The following ACTN3 variants were observed in gnomAD, a reference collection of about 807,000 sequenced individuals.
The protein encoded by ACTN3 is actinin alpha 3, also known as alpha-actinin-3.
ACTN3 carries 91 observed loss-of-function variants against 119.6 expected under a neutral mutation model. The observed-to-expected ratio is 0.76, with a 90% CI of 0.64 to 0.91. The LOEUF (loss-of-function observed/expected upper bound fraction) is 0.91, where lower values mean the gene tolerates loss of function less well. Among genes scored for constraint, ACTN3 ranks in the 40% least tolerant of loss-of-function variants. ACTN3 has a pLI of 0.00. For synonymous variants in ACTN3, 456 were observed against 478.8 expected, an observed-to-expected ratio of 0.95 and a Z score of 0.62; for missense variants, 1,221 against 1,215.1, an observed-to-expected ratio of 1.00 and a Z score of -0.07.
At position 66,560,644 on chromosome 11, in the gene ACTN3, G is replaced by C. The variant is rs1173916674; in HGVS notation, c.1749G>C (p.Met583Ile). Reference protein sequence around the residue: ...PEADRERGAIMGIQGEIQKIC... With the variant: ...PEADRERGAIIGIQGEIQKIC... ...CTGACCGAGAGCGAGGTGCCATCAT[G>C]GGCATCCAGGGTGAGATCCAGAAGA... is the stretch of plus-strand genomic sequence containing the variant. The change falls in exon 15 of 21, where the codon ATG becomes ATC. Residue 583 changes from methionine (M) to isoleucine (I), a missense_variant. Physicochemically the swap from Met to Ile is conservative, Grantham distance 10. This residue lies in a region of ACTN3 where 934 missense variants were observed against 899.9 expected (regional missense o/e 1.04). Coordinates refer to ENST00000513398, the MANE Select transcript of ACTN3 (RefSeq NM_001104.4). 14 of 1,613,826 alleles carry C rather than the reference G, an allele frequency of 8.7e-6. No homozygotes were observed. The highest frequency in any genetic ancestry group is 1.1e-5 in the Non-Finnish European group (13 of 1,179,852).
intron 14 of ACTN3, 117 bp from the exon 15 acceptor site, chr11:66,560,456 G>T: frequency 6.8e-7 from 1 of 1,470,724 alleles, no homozygotes; most frequent in Non-Finnish European, 9.1e-7. Flanking sequence ...AGGAGGCCGG[G>T]GTTCTTGTGT....
intron 8 of ACTN3, 88 bp downstream of exon 8, chr11:66,556,318 G>A (rs768458499): frequency 1.7e-5 from 22 of 1,305,650 alleles, no homozygotes; most frequent in African/African-American, 5.9e-5. Flanking sequence ...GCCAGACCAC[G>A]GAGGTTGGAG....
intron 8 of ACTN3, among the ~76,000 whole-genome samples, chr11:66,556,907 C>T (rs919822411): frequency 6.6e-6 from 1 of 152,142 alleles, no homozygotes. Context: ...ACTACAGGCG[C>T]CCACCACCAC....
Position 66,557,234 on chromosome 11 carries a change from G to C in ACTN3, c.897+9G>C, listed in dbSNP as rs369997208. Reference sequence around the variant, plus strand: ...AGAAGCTTGCCAGTGAGGTGAGGCTGGGCTCCCACCGTGCTCTCCCCACCC... The same window carrying C: ...AGAAGCTTGCCAGTGAGGTGAGGCTCGGCTCCCACCGTGCTCTCCCCACCC... On this transcript the variant is annotated intron_variant, in intron 9 of 20. Transcript: ENST00000513398. 9 of 1,551,472 alleles carry C rather than the reference G, an allele frequency of 5.8e-6. No homozygotes were observed. The Admixed American group carries it at 1.4e-4, about 24-fold the overall frequency.
At chr11:66,546,867 TG>T, upstream of ACTN3, 1 of 1,508,678 alleles carries the variant, frequency 6.6e-7, no homozygotes. Flanking sequence ...GGGGCTGGGC[TG>T]GGCCCTACTT....
Position 66,562,929 on chromosome 11 carries a change from C to T in ACTN3, c.2522C>T (p.Ser841Phe). Residue 841 changes from serine (S) to phenylalanine (F), a missense_variant, in exon 20 of 21, where the codon TCC becomes TTC. Ser to Phe is a radical substitution (Grantham distance 155). Coordinates refer to ENST00000513398, the MANE Select transcript of ACTN3 (RefSeq NM_001104.4). ...ETDTTEQVVA[S>F]FKILAGDKNY... ...GACACGACTGAGCAAGTTGTAGCTT[C>T]CTTCAAGATCTTGGCAGGAGACAAG... 6.2e-7 allele frequency: 1 copy of T among 1,613,578 alleles called. No individual in the cohort carries two copies. The highest frequency in any genetic ancestry group is 8.5e-7 in the Non-Finnish European group (1 of 1,179,656).
In ACTN3 at chr11:66,559,367, G is replaced by C. The variant is rs369615114; in HGVS notation, c.1408G>C (p.Ala470Pro). 34 of 1,551,946 alleles carry C rather than the reference G, an allele frequency of 2.2e-5. No homozygotes were observed. The African/African-American group carries it at 4.6e-4, about 21-fold the overall frequency. ...AHQDRVEHIA[A>P]LAQELNELDY... ...CCAGGACCGCGTGGAGCACATTGCC[G>C]CGCTGGCCCAGGAGCTCAAGTAGGC... Residue 470 changes from alanine to proline, a missense_variant, in exon 12 of 21, where the codon GCG becomes CCG. Physicochemically the swap from Ala to Pro is conservative, Grantham distance 27. Transcript: ENST00000513398.
intron 19 of ACTN3, 131 bp from the exon 20 acceptor site, chr11:66,562,665 C>A: frequency 9.4e-7 from 1 of 1,062,496 alleles, no homozygotes; most frequent in Non-Finnish European, 1.4e-6. Flanking sequence ...GGGCTAAGGT[C>A]TCTGGAGGAA....
intron 11 of ACTN3, among the ~76,000 whole-genome samples, chr11:66,558,427 G>A (rs1857652978): frequency 6.6e-6 from 1 of 152,202 alleles, no homozygotes; most frequent in Non-Finnish European, 1.5e-5. Context: ...GCCCAGGCTA[G>A]TACAATCTCG....
rs375737030 is a variant in ACTN3 at position 66,563,099 on chromosome 11, G to A, written c.2612G>A (p.Arg871His). 3.2e-5 allele frequency: 51 copies of A among 1,613,182 alleles called. No homozygotes were observed. The highest frequency in any genetic ancestry group is 2.2e-4 in the South Asian group (20 of 91,066). Residue 871 changes from arginine to histidine, a missense_variant, in exon 21 of 21, where the codon CGC becomes CAC. By Grantham distance (29) the Arg-to-His change is conservative. Transcript: ENST00000513398. ...LPAKQAEYCI[R>H]RMVPYKGSGA... Reference sequence around the variant, plus strand: ...GCCAAGCAGGCCGAGTACTGCATCCGCCGTATGGTGCCCTACAAGGGATCC... The same window carrying A: ...GCCAAGCAGGCCGAGTACTGCATCCACCGTATGGTGCCCTACAAGGGATCC...
chr11:66,559,262 G>A lies in ACTN3; in HGVS notation c.1303G>A (p.Asp435Asn), dbSNP rs755801474. 7 of 1,560,510 alleles carry A rather than the reference G, an allele frequency of 4.5e-6. 1 individual carries two copies. Residue 435 changes from aspartate (D) to asparagine (N), a missense_variant, in exon 12 of 21, where the codon GAC becomes AAC. Transcript: ENST00000513398. The part of the protein sequence containing the change: ...RGKEEMLSQR[D>N]YDSALLQEVR... ...AAAGGAGGAGATGCTGAGCCAGCGC[G>A]ACTACGATTCGGCTTTGCTACAGGA... is the stretch of plus-strand genomic sequence containing the variant.
chr11:66,546,635 G>A (rs1332144266), upstream of ACTN3: 5 of 1,533,708 alleles, frequency 3.3e-6, no homozygotes, highest in African/African-American at 4.1e-5. Flanking sequence ...GTGGAGAGGA[G>A]TAAACAGACT....
chr11:66,559,349 C>T lies in ACTN3; in HGVS notation c.1390C>T (p.Arg464Cys). 2 of 1,567,340 alleles carry T rather than the reference C, an allele frequency of 1.3e-6. No homozygotes were observed. Among genetic ancestry groups the T allele is most frequent in the South Asian group, 1.2e-5 (1 of 86,376 alleles). Residue 464 changes from arginine (R) to cysteine (C), a missense_variant, in exon 12 of 21, where the codon CGC becomes TGC. Physicochemically the swap from Arg to Cys is radical, Grantham distance 180. This residue lies in a region of ACTN3 where 934 missense variants were observed against 899.9 expected (regional missense o/e 1.04). Transcript: ENST00000513398. ...FESDLAAHQD[R>C]VEHIAALAQE... Reference sequence around the variant, plus strand: ...GAGCGACCTGGCGGCGCACCAGGACCGCGTGGAGCACATTGCCGCGCTGGC... The same window carrying T: ...GAGCGACCTGGCGGCGCACCAGGACTGCGTGGAGCACATTGCCGCGCTGGC...
chr11:66,546,888 C>G (rs758220151), upstream of ACTN3: 3 of 1,515,992 alleles, frequency 2.0e-6, no homozygotes, highest in Middle Eastern at 1.8e-4. Flanking sequence ...TAATGGGGCC[C>G]GGGTGTCCGA....
chr11:66,551,561 T>C lies in ACTN3; in HGVS notation c.296T>C (p.Met99Thr), dbSNP rs2134919829. Residue 99 changes from methionine (M) to threonine (T), a missense_variant, in exon 3 of 21, where the codon ATG becomes ACG. Transcript: ENST00000513398. ...CTGCCTAGGCCAGATAAAGGCAAGA[T>C]GCGCTTCCACAAAATCGCCAACGTT... ...ERLPRPDKGK[M>T]RFHKIANVNK... is the part of the protein sequence containing the mutation. 1 of 1,614,122 alleles carries C rather than the reference T, an allele frequency of 6.2e-7. No individual in the cohort carries two copies. The highest frequency in any genetic ancestry group is 2.2e-5 in the East Asian group (1 of 44,886).
intron 19 of ACTN3, 161 bp from the exon 20 acceptor site, chr11:66,562,635 T>C: frequency 2.8e-6 from 1 of 356,928 alleles, no homozygotes; most frequent in Non-Finnish European, 3.9e-6. Flanking sequence ...CAGCCTACCA[T>C]AAAGGACTTC....
chr11:66,557,960 T>A lies in ACTN3; in HGVS notation c.1128+31T>A, dbSNP rs1232356726. 3 of 1,612,964 alleles carry A rather than the reference T, an allele frequency of 1.9e-6. No homozygotes were observed. In the South Asian group the frequency reaches 3.3e-5, roughly 18 times the overall value. ...CTCTACACACATTCCCTAGGTGACCTTGAGGTCCGTATCCCATCTGTACAA... is the reference window on the plus strand; with the variant it reads ...CTCTACACACATTCCCTAGGTGACCATGAGGTCCGTATCCCATCTGTACAA... On this transcript the variant is annotated intron_variant, in intron 10 of 20. Transcript: ENST00000513398.
chr11:66,547,571 CA>C (rs1179233757), intron 1 of ACTN3, among the ~76,000 whole-genome samples: 1 of 152,124 alleles, frequency 6.6e-6, no homozygotes, highest in African/African-American at 2.4e-5. Flanking sequence ...TCTCATTTAA[CA>C]ATTGAAGAAA....
At chr11:66,554,700 G>GCCCTTCACTGACC in intron 5 of ACTN3, 77 bp downstream of exon 5, 4 of 1,214,640 alleles carry the variant, frequency 3.3e-6, no homozygotes, top group Non-Finnish European at 4.7e-6. Context: ...CCTGGTCAGT[G>GCCCTTCACTGACC]AAGGGCACTG....
Sources: gnomAD v4.1 joint callset for allele counts (sites outside exome capture counted in the v4.1 genomes callset) on GRCh38, gnomAD v4.1.1 for gene constraint, gnomAD v4.1.1 regional missense constraint, MANE v1.5 for transcripts, NCBI Gene and HGNC (gene_info 2026-07-23, HGNC 2026-07-21) for gene names.